The following DNAI3 variants were observed in gnomAD, a reference collection of about 807,000 sequenced individuals.
The protein encoded by DNAI3 is WD repeat domain 63.
In DNAI3, 83 loss-of-function variants were observed where a neutral mutation model predicts 115.5. The ratio of observed to expected loss-of-function variants is 0.72; its 90% CI spans 0.60 to 0.86. The LOEUF (loss-of-function observed/expected upper bound fraction) is 0.86, where lower values mean the gene tolerates loss of function less well. DNAI3 is among the 40% of genes least tolerant of loss of function. The pLI, the probability that DNAI3 is intolerant of heterozygous loss-of-function variation, is 0.00. For synonymous variants in DNAI3, 320 were observed against 347.0 expected (o/e 0.92, Z 0.86); for missense variants, 1,004 against 1,075.8 (o/e 0.93, Z 0.93).
At chr1:85,076,051 G>A (rs557161944) in intron 3 of DNAI3, among the ~76,000 whole-genome samples, 1 of 152,310 alleles carries the variant, frequency 6.6e-6, no homozygotes, top group African/African-American at 2.4e-5. Context: ...TGGAGGCCCT[G>A]AGAGGTGAAT....
chr1:85,132,896 A>T lies in DNAI3; in HGVS notation c.2574A>T (p.Leu858Phe). 1 of 1,613,968 alleles carries T rather than the reference A, an allele frequency of 6.2e-7. No individual in the cohort carries two copies. Among genetic ancestry groups the T allele is most frequent in the Non-Finnish European group, 8.5e-7 (1 of 1,179,902 alleles). Residue 858 changes from leucine (L) to phenylalanine (F), a missense_variant, in exon 23 of 23, where the codon TTA becomes TTT. By Grantham distance (22) the Leu-to-Phe change is conservative. Coordinates refer to ENST00000294664, the MANE Select transcript of DNAI3 (RefSeq NM_145172.5). ...CAAAAGAACAAATGCAGGCTGAATT[A>T]AAAATGGACTATGAGAGTTATCTGG... ...QKSKEQMQAE[L>F]KMDYESYLEL...
At chr1:85,124,556 G>A (rs943979785) in intron 19 of DNAI3, among the ~76,000 whole-genome samples, 2 of 152,100 alleles carry the variant, frequency 1.3e-5, no homozygotes, top group Non-Finnish European at 2.9e-5. Context: ...TGGGGGCCAA[G>A]GTCTCACTGT....
intron 21 of DNAI3, 145 bp downstream of exon 21, chr1:85,128,944 TG>T: frequency 1.4e-6 from 1 of 718,604 alleles, no homozygotes; most frequent in Non-Finnish European, 2.3e-6. Flanking sequence ...GTATTTCTGT[TG>T]TATGAGTTAA....
chr1:85,129,180 A>C (rs1656239705), intron 21 of DNAI3, among the ~76,000 whole-genome samples: 1 of 152,062 alleles, frequency 6.6e-6, no homozygotes, highest in Non-Finnish European at 1.5e-5. Flanking sequence ...TCCGGCTCCC[A>C]ACCCAACTTG....
intron 6 of DNAI3, among the ~76,000 whole-genome samples, 175 bp downstream of exon 6, chr1:85,084,870 A>T (rs2100571037): frequency 6.6e-6 from 1 of 151,408 alleles, no homozygotes; most frequent in African/African-American, 2.5e-5. Flanking sequence ...TTATGAGTTG[A>T]ATTTTGTCTC....
At position 85,082,386 on chromosome 1, in the gene DNAI3, C is replaced by A. The variant is rs12043654; in HGVS notation, c.372C>A (p.Gly124=). 2.5e-6 allele frequency: 4 copies of A among 1,612,394 alleles called. No individual in the cohort carries two copies. In the East Asian group the frequency reaches 8.9e-5, roughly 36 times the overall value. The change falls in exon 5 of 23, where the codon GGC becomes GGA. Residue 124 remains glycine (G), a synonymous_variant. Transcript: ENST00000294664. The part of the protein sequence containing the change: ...LNFYLIATEE[G]KENYLNPPEV... ...TTTATCTTATTGCAACTGAAGAGGG[C>A]AAAGAAAACTATTTAAATGTGAGCA...
At chr1:85,075,696 G>A (rs1181427640) in intron 3 of DNAI3, among the ~76,000 whole-genome samples, 1 of 152,144 alleles carries the variant, frequency 6.6e-6, no homozygotes, top group Non-Finnish European at 1.5e-5. Flanking sequence ...ACAAGGCAAT[G>A]CCCAGAGGTT....
intron 22 of DNAI3, among the ~76,000 whole-genome samples, chr1:85,130,698 TA>T (rs1425624065): frequency 6.7e-6 from 1 of 148,994 alleles, no homozygotes; most frequent in Non-Finnish European, 1.5e-5. Flanking sequence ...GATAGATAGA[TA>T]GATAGATAGA....
At position 85,108,096 on chromosome 1, in the gene DNAI3, G is replaced by C; in HGVS notation, c.1617G>C (p.Lys539Asn). The C allele has an allele frequency of 6.2e-7, 1 of 1,610,242 alleles. No homozygotes were observed. The highest frequency in any genetic ancestry group is 8.5e-7 in the Non-Finnish European group (1 of 1,178,346). Reference protein sequence around the residue: ...KPLTPQTTEKKKEESIEIPFD... With the variant: ...KPLTPQTTEKNKEESIEIPFD... The stretch of plus-strand genomic sequence containing the variant: ...TAACCCCCCAAACAACAGAGAAAAA[G>C]AAGGAGGAAAGTATTGAAATTCCTT... Residue 539 changes from lysine (K) to asparagine (N), a missense_variant, in exon 15 of 23, where the codon AAG becomes AAC. By Grantham distance (94) the Lys-to-Asn change is moderately conservative (BLOSUM62 0). This residue lies in a region of DNAI3 where 429 missense variants were observed against 454.3 expected (regional missense o/e 0.94). Coordinates refer to ENST00000294664, the MANE Select transcript of DNAI3 (RefSeq NM_145172.5).
intron 5 of DNAI3, 39 bp downstream of exon 5, chr1:85,082,443 G>A: frequency 6.6e-7 from 1 of 1,514,480 alleles, no homozygotes; most frequent in Non-Finnish European, 9.1e-7. Flanking sequence ...GTTTGTTTTT[G>A]TTGTGGTTGT....
At chr1:85,095,875 G>A (rs974463204) in intron 10 of DNAI3, 56 bp from the exon 11 acceptor site, 29 of 1,498,058 alleles carry the variant, frequency 1.9e-5, no homozygotes, top group African/African-American at 1.2e-4. Flanking sequence ...TTATTTTCTC[G>A]CCATGATCTT....
intron 7 of DNAI3, among the ~76,000 whole-genome samples, chr1:85,088,029 T>A (rs1654849663): frequency 6.6e-6 from 1 of 152,066 alleles, no homozygotes; most frequent in Non-Finnish European, 1.5e-5. Context: ...AGGCAAGAAT[T>A]GGTGGTCAAG....
At chr1:85,105,536 AAAAAAG>A (rs1343581524) in intron 14 of DNAI3, among the ~76,000 whole-genome samples, 3 of 141,466 alleles carry the variant, frequency 2.1e-5, no homozygotes, top group South Asian at 2.3e-4. Flanking sequence ...CTCAAAAAAA[AAAAAAG>A]AAAAAGAAAA....
At chr1:85,096,097 T>C (rs1334187328) in intron 11 of DNAI3, 77 bp downstream of exon 11, 10 of 1,344,430 alleles carry the variant, frequency 7.4e-6, no homozygotes, top group Non-Finnish European at 1.1e-5. Context: ...GGCAGTTCCT[T>C]GGACTTAAGG....
intron 22 of DNAI3, among the ~76,000 whole-genome samples, chr1:85,130,703 A>AGATAGAT (rs1476675140): frequency 6.7e-6 from 1 of 148,598 alleles, no homozygotes; most frequent in Non-Finnish European, 1.5e-5. Context: ...ATAGATAGAT[A>AGATAGAT]GATAGATAGA....
At chr1:85,105,664 G>A (rs1158353058) in intron 14 of DNAI3, among the ~76,000 whole-genome samples, 2 of 152,088 alleles carry the variant, frequency 1.3e-5, no homozygotes. Flanking sequence ...CTATATTGTA[G>A]CTAGTAAGTA....
At chr1:85,126,830 T>C (rs1656159109) in intron 20 of DNAI3, 115 bp downstream of exon 20, 2 of 1,052,834 alleles carry the variant, frequency 1.9e-6, no homozygotes, top group Non-Finnish European at 1.4e-6. Flanking sequence ...TTCTTCCTGC[T>C]CATCCCTTCT....
intron 14 of DNAI3, among the ~76,000 whole-genome samples, chr1:85,105,703 G>A (rs186243209): frequency 2.0e-5 from 3 of 152,268 alleles, no homozygotes; most frequent in South Asian, 2.1e-4. Flanking sequence ...AGGAAGAGCT[G>A]ACTTGGGCCT....
rs1264030728 is a variant in DNAI3 at position 85,128,145 on chromosome 1, A to G, written c.2318-563A>G. ...TGTCTCAAAAAAAAAAAAAAAAAAA[A>G]AAAAAGAAGAAGAAGAAGGAGAAGA... On this transcript the variant is annotated intron_variant, in intron 20 of 22. Transcript: ENST00000294664. Among the ~76,000 whole-genome samples the G allele has an allele frequency of 6.8e-3, 895 of 131,606 alleles. 1 individual carries two copies. Among genetic ancestry groups the G allele is most frequent in the African/African-American group, 0.026 (838 of 32,448 alleles). 86.3% of individuals were successfully genotyped at this position (131,606 alleles called of 152,430 possible). A position where few individuals can be genotyped will look rare whatever the true frequency, so the allele number is the denominator to read the frequency against.
Sources: gnomAD v4.1 joint callset for allele counts (sites outside exome capture counted in the v4.1 genomes callset) on GRCh38, gnomAD v4.1.1 for gene constraint, gnomAD v4.1.1 regional missense constraint, MANE v1.5 for transcripts, NCBI Gene and HGNC (gene_info 2026-07-23, HGNC 2026-07-21) for gene names.